The following NXPE2 variants were observed in gnomAD, a reference collection of about 807,000 sequenced individuals.
The protein encoded by NXPE2 is NXPE family member 2.
A neutral mutation model predicts 34.4 loss-of-function variants in NXPE2; 34 were observed. The observed-to-expected ratio is 0.99, with a 90% CI of 0.75 to 1.31. NXPE2 has a LOEUF of 1.31. Among genes scored for constraint, NXPE2 ranks in the 40% most tolerant of loss-of-function variants. NXPE2 has a pLI of 0.00. For synonymous variants in NXPE2, 235 were observed against 231.3 expected, an observed-to-expected ratio of 1.02 and a Z score of -0.15; for missense variants, 649 against 672.5, an observed-to-expected ratio of 0.97 and a Z score of 0.39.
chr11:114,724,541 A>C, the NXPE2 span, among the ~76,000 whole-genome samples: 1 of 152,076 alleles, frequency 6.6e-6, no homozygotes, highest in Admixed American at 6.6e-5. Context: ...TCCTTTGCAG[A>C]GTTTTTAAGC....
chr11:114,672,716 G>A, the NXPE2 span, among the ~76,000 whole-genome samples: 2 of 151,792 alleles, frequency 1.3e-5, no homozygotes, highest in African/African-American at 4.8e-5. Flanking sequence ...GGATAATGAG[G>A]AACGTTTTCT....
downstream of NXPE2, among the ~76,000 whole-genome samples, chr11:114,708,636 A>AAAAAAAG (rs1555080863): frequency 2.0e-5 from 3 of 148,412 alleles, no homozygotes; most frequent in Non-Finnish European, 3.0e-5. Flanking sequence ...TCTCAAAAAA[A>AAAAAAAG]AAAAGAAAAG....
the NXPE2 span, chr11:114,522,374 A>C: frequency 6.2e-7 from 1 of 1,614,174 alleles, no homozygotes; most frequent in Non-Finnish European, 8.5e-7. Flanking sequence ...ATGATCTATC[A>C]GAGAGTAGAG....
At chr11:114,547,336 C>G in the NXPE2 span, among the ~76,000 whole-genome samples, 3 of 152,170 alleles carry the variant, frequency 2.0e-5, no homozygotes, top group East Asian at 5.8e-4. Context: ...AGAAAAATAA[C>G]AGACAAACTA....
At chr11:114,703,327 G>A (rs1053125583) in intron 3 of NXPE2, among the ~76,000 whole-genome samples, 3 of 152,106 alleles carry the variant, frequency 2.0e-5, no homozygotes, top group African/African-American at 7.2e-5. Context: ...AAACCAAAAG[G>A]GCAGAAAGAT....
the NXPE2 span, among the ~76,000 whole-genome samples, chr11:114,625,217 C>T: frequency 3.3e-5 from 5 of 152,140 alleles, no homozygotes; most frequent in Admixed American, 3.3e-4. Context: ...CCACTGTTAC[C>T]TGTTGGATAA....
the NXPE2 span, among the ~76,000 whole-genome samples, chr11:114,621,579 G>T: frequency 1.3e-5 from 2 of 152,034 alleles, no homozygotes; most frequent in African/African-American, 4.8e-5. Context: ...ACTGTTACCT[G>T]TTGGATAATA....
chr11:114,693,705 G>C (rs1420008384), intron 2 of NXPE2, among the ~76,000 whole-genome samples: 1 of 152,054 alleles, frequency 6.6e-6, no homozygotes, highest in African/African-American at 2.4e-5. Flanking sequence ...AAAATATCTA[G>C]GATATGATTT....
the NXPE2 span, among the ~76,000 whole-genome samples, chr11:114,664,113 G>A: frequency 6.6e-6 from 1 of 152,214 alleles, no homozygotes; most frequent in Non-Finnish European, 1.5e-5. Flanking sequence ...GCCAAAACTG[G>A]AAAATAATTC....
chr11:114,689,338 T>C (rs1179056999), intron 2 of NXPE2, among the ~76,000 whole-genome samples: 2 of 152,120 alleles, frequency 1.3e-5, no homozygotes, highest in Non-Finnish European at 2.9e-5. Flanking sequence ...GTTTTGTTAT[T>C]TACCCAAAAG....
chr11:114,780,369 GA>G, the NXPE2 span, among the ~76,000 whole-genome samples: 1 of 152,220 alleles, frequency 6.6e-6, no homozygotes, highest in Non-Finnish European at 1.5e-5. Flanking sequence ...CGAGGATGAG[GA>G]CAAAGAGGAG....
chr11:114,736,516 T>C, the NXPE2 span, among the ~76,000 whole-genome samples: 5 of 152,252 alleles, frequency 3.3e-5, no homozygotes, highest in Admixed American at 1.3e-4. Context: ...GTTATCTCTC[T>C]TGTTCCCTGA....
At chr11:114,659,689 G>C in the NXPE2 span, among the ~76,000 whole-genome samples, 8 of 152,172 alleles carry the variant, frequency 5.3e-5, no homozygotes, top group South Asian at 1.7e-3. Context: ...TGAGGGATAA[G>C]TTGTAACATT....
At chr11:114,624,465 C>T in the NXPE2 span, among the ~76,000 whole-genome samples, 1 of 149,766 alleles carries the variant, frequency 6.7e-6, no homozygotes, top group African/African-American at 2.5e-5. Flanking sequence ...CTGTTACCTG[C>T]TGGATAATAA....
chr11:114,754,990 AGTTT>A, the NXPE2 span, among the ~76,000 whole-genome samples: 1 of 152,188 alleles, frequency 6.6e-6, no homozygotes, highest in Non-Finnish European at 1.5e-5. Context: ...CTCCACTGTT[AGTTT>A]AAGTAAGTTG....
At position 114,698,215 on chromosome 11, in the gene NXPE2, C is replaced by A. The variant is rs564384366; in HGVS notation, c.303C>A (p.Thr101=). The A allele has an allele frequency of 1.9e-6, 3 of 1,614,052 alleles. No homozygotes were observed. In the East Asian group the frequency reaches 6.7e-5, roughly 36 times the overall value. The stretch of plus-strand genomic sequence containing the variant: ...AGCAGATCCCACCCAGACCTTTCAC[C>A]CATGTGAATACCACCACCAGTGCCA... ...LDQQIPPRPF[T]HVNTTTSATH... Residue 101 remains threonine (T), a synonymous_variant, in exon 3 of 6, where the codon ACC becomes ACA. Coordinates refer to ENST00000389586, the MANE Select transcript of NXPE2 (RefSeq NM_182495.6).
the NXPE2 span, chr11:114,523,092 C>T: frequency 1.2e-6 from 2 of 1,608,292 alleles, no homozygotes; most frequent in Admixed American, 1.7e-5. Flanking sequence ...TTTTCTCTCT[C>T]TGGTAACAAA....
At chr11:114,728,425 TAC>T in the NXPE2 span, among the ~76,000 whole-genome samples, 4 of 152,118 alleles carry the variant, frequency 2.6e-5, no homozygotes, top group Non-Finnish European at 5.9e-5. Flanking sequence ...TCATTCCTAA[TAC>T]CATTTTTGTT....
the NXPE2 span, among the ~76,000 whole-genome samples, chr11:114,716,226 T>C: frequency 6.6e-6 from 1 of 152,186 alleles, no homozygotes. Flanking sequence ...AGGAAACTCA[T>C]AATCTTTATG....
Sources: allele counts gnomAD v4.1 joint callset (sites outside exome capture counted in the v4.1 genomes callset), GRCh38; gene constraint gnomAD v4.1.1; transcripts MANE v1.5; gene names NCBI Gene and HGNC (gene_info 2026-07-23, HGNC 2026-07-21).